The following CEP120 variants were observed in gnomAD, a reference collection of about 807,000 sequenced individuals.
CEP120 encodes the protein centrosomal protein 120, also known as centrosomal protein of 120 kDa.
CEP120 carries 113 observed loss-of-function variants against 126.5 expected under a neutral mutation model. The observed-to-expected ratio is 0.89, with a 90% confidence interval of 0.77 to 1.04. The LOEUF (loss-of-function observed/expected upper bound fraction) is 1.04, where lower values mean the gene tolerates loss of function less well. CEP120 is among the 50% of genes least tolerant of loss of function. CEP120 has a pLI of 0.00. For missense variants in CEP120, 1,230 were observed against 1,155.7 expected, an observed-to-expected ratio of 1.06 and a Z score of -0.93; for synonymous variants, 400 against 394.3, an observed-to-expected ratio of 1.01 and a Z score of -0.17.
intron 5 of CEP120, among the ~76,000 whole-genome samples, chr5:123,397,976 C>T (rs1369031707): frequency 6.6e-6 from 1 of 152,024 alleles, no homozygotes; most frequent in Non-Finnish European, 1.5e-5. Context: ...CCCAGCTACT[C>T]AGGAGGCTGA....
intron 7 of CEP120, 122 bp downstream of exon 7, chr5:123,390,988 G>T: frequency 1.4e-6 from 1 of 695,446 alleles, no homozygotes. Context: ...ATATAACAAA[G>T]GTCACTAATT....
In CEP120 at chr5:123,399,223, T is replaced by C; in HGVS notation, c.525A>G (p.Gly175=). ...RDIVAVLNEE[G]GYHQIGPAEY... ...CTGCTGGTCCAATCTGATGGTAGCC[T>C]CCCTCTTCATTCAGCACAGCCACAA... Residue 175 remains glycine (G), a synonymous_variant, in exon 5 of 20, where the codon GGA becomes GGG. Coordinates refer to ENST00000306467, the MANE Select transcript of CEP120 (RefSeq NM_001375405.1). 1 of 1,613,986 alleles carries C rather than the reference T, an allele frequency of 6.2e-7. No homozygotes were observed. The highest frequency in any genetic ancestry group is 8.5e-7 in the Non-Finnish European group (1 of 1,179,830).
At chr5:123,372,503 A>C (rs1369071527) in intron 17 of CEP120, 147 bp downstream of exon 17, 30 of 777,676 alleles carry the variant, frequency 3.9e-5, no homozygotes, top group Non-Finnish European at 5.6e-5. Flanking sequence ...AGTACTAATA[A>C]TGTCACGTGC....
intron 18 of CEP120, among the ~76,000 whole-genome samples, chr5:123,351,893 A>G (rs1455922159): frequency 5.9e-5 from 9 of 152,144 alleles, no homozygotes; most frequent in Non-Finnish European, 5.9e-5. Flanking sequence ...ATTTCCAAAC[A>G]GTTTGCAAAG....
intron 19 of CEP120, among the ~76,000 whole-genome samples, chr5:123,349,203 C>A (rs1769034212): frequency 6.6e-6 from 1 of 152,146 alleles, no homozygotes; most frequent in Non-Finnish European, 1.5e-5. Flanking sequence ...AGTTAAAATG[C>A]AATCTCTGGA....
intron 15 of CEP120, among the ~76,000 whole-genome samples, chr5:123,378,037 T>G (rs745760806): frequency 6.6e-6 from 1 of 152,100 alleles, no homozygotes; most frequent in African/African-American, 2.4e-5. Flanking sequence ...TCATGAAATA[T>G]ATAGAGCACA....
chr5:123,401,943 C>T (rs1268083627), intron 4 of CEP120: 140 of 1,569,868 alleles, frequency 8.9e-5, no homozygotes, highest in Non-Finnish European at 1.1e-4. Context: ...GTCCATGTTG[C>T]TCCCGGCCGT....
chr5:123,369,892 CTA>C (rs2127014864), intron 17 of CEP120, among the ~76,000 whole-genome samples: 1 of 152,132 alleles, frequency 6.6e-6, no homozygotes, highest in South Asian at 2.1e-4. Flanking sequence ...GCAAGACTAA[CTA>C]TAATCCTAGA....
chr5:123,373,106 GA>G (rs1227141360), intron 16 of CEP120, among the ~76,000 whole-genome samples: 2 of 151,914 alleles, frequency 1.3e-5, no homozygotes, highest in Non-Finnish European at 2.9e-5. Context: ...TCGCATATAA[GA>G]AAAAATTCAG....
chr5:123,391,212 G>A lies in CEP120; in HGVS notation c.936C>T (p.Asp312=). 1 of 1,614,182 alleles carries A rather than the reference G, an allele frequency of 6.2e-7. No individual in the cohort carries two copies. The highest frequency in any genetic ancestry group is 8.5e-7 in the Non-Finnish European group (1 of 1,180,036). Residue 312 remains aspartate (D), a synonymous_variant, in exon 7 of 20, where the codon GAC becomes GAT. Transcript: ENST00000306467. ...PVTVEGAFTL[D]PPNRAKQKLA... is the part of the protein sequence containing the mutation. ...GCTTCTGTTTGGCTCTGTTTGGAGGGTCAAGGGTAAAAGCACCTTCGACTG... is the reference window on the plus strand; with the variant it reads ...GCTTCTGTTTGGCTCTGTTTGGAGGATCAAGGGTAAAAGCACCTTCGACTG...
intron 19 of CEP120, 25 bp from the exon 20 acceptor site, chr5:123,346,778 C>G: frequency 6.7e-7 from 1 of 1,491,170 alleles, no homozygotes; most frequent in African/African-American, 1.4e-5. Flanking sequence ...ACAAATGCCA[C>G]TGTAGCAACT....
At chr5:123,389,622 T>G (rs894342777) in intron 8 of CEP120, among the ~76,000 whole-genome samples, 1 of 152,162 alleles carries the variant, frequency 6.6e-6, no homozygotes, top group Admixed American at 6.6e-5. Flanking sequence ...TGCCTCAGCC[T>G]CCCGAGTAGC....
intron 5 of CEP120, among the ~76,000 whole-genome samples, chr5:123,398,845 T>G (rs1001654250): frequency 1.3e-5 from 2 of 152,172 alleles, no homozygotes; most frequent in African/African-American, 4.8e-5. Flanking sequence ...TTAAAAATCC[T>G]TCCATGTCAG....
At chr5:123,395,181 G>T (rs1334034034) in intron 5 of CEP120, among the ~76,000 whole-genome samples, 1 of 152,132 alleles carries the variant, frequency 6.6e-6, no homozygotes, top group Non-Finnish European at 1.5e-5. Context: ...CCCATTATGG[G>T]AAGAAATTCT....
chr5:123,372,586 T>C, intron 17 of CEP120, 64 bp downstream of exon 17: 1 of 1,455,202 alleles, frequency 6.9e-7, no homozygotes, highest in African/African-American at 1.4e-5. Flanking sequence ...GTATACACAT[T>C]ATTGATTGAT....
chr5:123,411,250 C>T (rs557848253), intron 4 of CEP120, among the ~76,000 whole-genome samples: 2 of 152,282 alleles, frequency 1.3e-5, no homozygotes, highest in South Asian at 4.1e-4. Context: ...AATAGCACGG[C>T]CACTTTGGAA....
At chr5:123,361,644 A>C (rs921901589) in intron 18 of CEP120, among the ~76,000 whole-genome samples, 35 of 151,742 alleles carry the variant, frequency 2.3e-4, no homozygotes, top group Non-Finnish European at 8.8e-5. Flanking sequence ...AATTATGCAC[A>C]CTTAAGAATT....
intron 14 of CEP120, among the ~76,000 whole-genome samples, chr5:123,380,035 C>T (rs1008714196): frequency 3.9e-5 from 6 of 152,036 alleles, no homozygotes; most frequent in Non-Finnish European, 8.8e-5. Flanking sequence ...ACAAGAACCA[C>T]GTATATATCT....
intron 2 of CEP120, among the ~76,000 whole-genome samples, chr5:123,416,916 C>T (rs1463712854): frequency 6.6e-6 from 1 of 152,056 alleles, no homozygotes; most frequent in East Asian, 1.9e-4. Flanking sequence ...AATAATATAA[C>T]ACATAACAGT....
Sources: gnomAD v4.1 joint callset for allele counts (sites outside exome capture counted in the v4.1 genomes callset) on GRCh38, gnomAD v4.1.1 for gene constraint, MANE v1.5 for transcripts, NCBI Gene and HGNC (gene_info 2026-07-23, HGNC 2026-07-21) for gene names.